NUGGC: variants seen among roughly 807,000 people sequenced by gnomAD.
NUGGC encodes nuclear GTPase, germinal center associated.
In NUGGC, 58 loss-of-function variants were observed where a neutral mutation model predicts 92.6. That is an observed-to-expected ratio of 0.63 (90% CI 0.51 to 0.78). The LOEUF is 0.78. Ranked by LOEUF, NUGGC falls within the 30% of genes least tolerant of loss-of-function variation. The probability of loss-of-function intolerance (pLI) is 0.00; values close to 1 mark genes in which losing one functional copy is unlikely to be tolerated. For missense variants in NUGGC, 925 were observed against 964.6 expected (o/e 0.96, Z 0.54); for synonymous variants, 376 against 366.4 (o/e 1.03, Z -0.30).
Position 28,067,758 on chromosome 8 carries a change from G to T in NUGGC, c.481-14C>A. The T allele has an allele frequency of 6.3e-7, 1 of 1,591,862 alleles. No individual in the cohort carries two copies. The highest frequency in any genetic ancestry group is 8.6e-7 in the Non-Finnish European group (1 of 1,163,916). ...CTCCCTCCACTCCTGCCAAGGCAGA[G>T]TAGGGCCAAGCCCCTCTTGACACAG... On this transcript the variant is annotated splice_polypyrimidine_tract_variant and intron_variant, in intron 5 of 18. Coordinates refer to ENST00000413272, the MANE Select transcript of NUGGC (RefSeq NM_001010906.2).
Position 28,041,041 on chromosome 8 carries a change from G to C in NUGGC, c.1611+10C>G, listed in dbSNP as rs1039396796. 24 of 1,593,178 alleles carry C rather than the reference G, an allele frequency of 1.5e-5. No homozygotes were observed. Among genetic ancestry groups the C allele is most frequent in the African/African-American group, 1.1e-4 (8 of 74,458 alleles). On this transcript the variant is annotated intron_variant, in intron 13 of 18. Transcript: ENST00000413272. ...GGAATATCTGAGTTTTCCCTGGAAG[G>C]GTCACTCACCACCAAGCATGCTCTG...
At chr8:28,023,591 G>C (rs1414566464) in intron 18 of NUGGC, 129 bp from the exon 19 acceptor site, 1 of 906,820 alleles carries the variant, frequency 1.1e-6, no homozygotes, top group African/African-American at 1.7e-5. Flanking sequence ...TTACAGATCA[G>C]ACATCAAAGC....
At chr8:28,064,365 C>T (rs1212086319) in intron 7 of NUGGC, among the ~76,000 whole-genome samples, 157 bp downstream of exon 7, 2 of 152,224 alleles carry the variant, frequency 1.3e-5, no homozygotes, top group Admixed American at 6.5e-5. Context: ...GCTACCCACA[C>T]CCTGCCAGGG....
chr8:28,029,453 A>G, intron 16 of NUGGC, 51 bp from the exon 17 acceptor site: 1 of 1,599,924 alleles, frequency 6.3e-7, no homozygotes, highest in Non-Finnish European at 8.5e-7. Flanking sequence ...CTGCTTAGAA[A>G]TCTTTGGCAC....
At position 28,031,289 on chromosome 8, in the gene NUGGC, C is replaced by T. The variant is rs753067539; in HGVS notation, c.1862G>A (p.Ser621Asn). Residue 621 changes from serine to asparagine, a missense_variant, in exon 15 of 19, where the codon AGT (serine) becomes AAT (asparagine). Physicochemically the swap from Ser to Asn is conservative, Grantham distance 46. Coordinates refer to ENST00000413272, the MANE Select transcript of NUGGC (RefSeq NM_001010906.2). ...TTTGCAGCTATCATATTTCCAGCCA[C>T]TTCTTATCCCAATTTCTGTCATTTT... ...QEKMTEIGIR[S>N]GWKYDSCKKN... The T allele has an allele frequency of 1.2e-6, 2 of 1,614,066 alleles. No individual in the cohort carries two copies. Among genetic ancestry groups the T allele is most frequent in the South Asian group, 2.2e-5 (2 of 91,086 alleles).
rs537037247 is a variant in NUGGC, at chr8:28,069,834, T to C, written c.149-182A>G. The C allele has an allele frequency of 9.7e-5, 57 of 587,770 alleles. 1 individual carries two copies. The highest frequency in any genetic ancestry group is 8.8e-4 in the African/African-American group (47 of 53,612). 36.4% of individuals were successfully genotyped at this position (587,770 alleles called of 1,614,324 possible). On this transcript the variant is annotated intron_variant, in intron 3 of 18. Coordinates refer to ENST00000413272, the MANE Select transcript of NUGGC (RefSeq NM_001010906.2). Reference sequence around the variant, plus strand: ...GGCGGCTCACTGGAGATAGCAATCATTGGTTCTGAAAATCTCCAAAGAGCC... The same window carrying C: ...GGCGGCTCACTGGAGATAGCAATCACTGGTTCTGAAAATCTCCAAAGAGCC...
At chr8:28,042,746 C>T (rs560928545) in intron 12 of NUGGC, among the ~76,000 whole-genome samples, 6 of 152,308 alleles carry the variant, frequency 3.9e-5, no homozygotes, top group Admixed American at 3.9e-4. Flanking sequence ...GAGCAAAACC[C>T]ATAGACATTT....
chr8:28,040,157 T>C (rs112716051), intron 13 of NUGGC, among the ~76,000 whole-genome samples: 2 of 152,316 alleles, frequency 1.3e-5, no homozygotes, highest in African/African-American at 2.4e-5. Flanking sequence ...CCACCCAGTC[T>C]ATAGGATTTT....
intron 2 of NUGGC, among the ~76,000 whole-genome samples, chr8:28,073,178 CTT>C (rs34656742): frequency 3.0e-5 from 4 of 132,828 alleles, no homozygotes; most frequent in Admixed American, 7.8e-5. Flanking sequence ...ATTTTTTTTT[CTT>C]TTTTTTTTTT....
At chr8:28,054,980 A>C (rs1810096466) in intron 10 of NUGGC, among the ~76,000 whole-genome samples, 1 of 151,356 alleles carries the variant, frequency 6.6e-6, no homozygotes, top group African/African-American at 2.5e-5. Flanking sequence ...TGAGGTCAGG[A>C]GTTCAAGACC....
intron 10 of NUGGC, among the ~76,000 whole-genome samples, chr8:28,053,257 G>C (rs565023673): frequency 6.0e-4 from 91 of 152,196 alleles, no homozygotes; most frequent in African/African-American, 2.1e-3. Context: ...CCAGGAATTA[G>C]AGACCAGCCT....
chr8:28,035,861 T>A lies in NUGGC; in HGVS notation c.1612-2164A>T, dbSNP rs141970125. 6.4e-3 allele frequency among the ~76,000 whole-genome samples: 975 copies of A among 152,312 alleles called. 5 individuals carry two copies. Among genetic ancestry groups the A allele is most frequent in the Non-Finnish European group, 0.01 (714 of 68,012 alleles). On this transcript the variant is annotated intron_variant, in intron 13 of 18. Coordinates refer to ENST00000413272, the MANE Select transcript of NUGGC (RefSeq NM_001010906.2). ...GTTTGTTTTTTACTTCTCAGGAGCA[T>A]GTGATATTCGTCTTAACGAACTTTA... is the stretch of plus-strand genomic sequence containing the variant.
intron 3 of NUGGC, 35 bp downstream of exon 3, chr8:28,070,217 G>A (rs373935545): frequency 1.3e-5 from 20 of 1,516,572 alleles, no homozygotes; most frequent in South Asian, 2.4e-5. Flanking sequence ...GAACAGAACC[G>A]AACCATGTTA....
chr8:28,060,310 C>T (rs1263589672), intron 8 of NUGGC, 116 bp downstream of exon 8: 3 of 1,010,374 alleles, frequency 3.0e-6, no homozygotes, highest in African/African-American at 1.6e-5. Flanking sequence ...CCCCAACAAT[C>T]ACTTCCTGAA....
chr8:28,068,531 C>A (rs564156095), intron 4 of NUGGC, 93 bp from the exon 5 acceptor site: 2 of 836,896 alleles, frequency 2.4e-6, no homozygotes, highest in South Asian at 3.3e-5. Context: ...ATTCTAATCC[C>A]GGGCACGTCA....
intron 13 of NUGGC, among the ~76,000 whole-genome samples, chr8:28,037,164 C>T (rs1809575773): frequency 6.6e-6 from 1 of 152,210 alleles, no homozygotes; most frequent in African/African-American, 2.4e-5. Context: ...ACCCTGACAC[C>T]TCCTAACCAG....
rs1331081260 is a variant in NUGGC at position 28,060,426 on chromosome 8, C to G, written c.1097G>C (p.Arg366Thr). 6.2e-7 allele frequency: 1 copy of G among 1,613,524 alleles called. No individual in the cohort carries two copies. Among genetic ancestry groups the G allele is most frequent in the Admixed American group, 1.7e-5 (1 of 59,982 alleles). Residue 366 changes from arginine to threonine, a missense_variant and splice_region_variant, in exon 8 of 19, where the codon AGG becomes ACG. Transcript: ENST00000413272. ...CATCCTTGCAAGCCCAGCACAATAC[C>G]TTAGGTATTCTGGCAAGTGGAGTTT... ...MDKLHLPEYL[R>T]ERKAGNQAIQ...
chr8:28,050,410 AG>A (rs1563221732), intron 10 of NUGGC, among the ~76,000 whole-genome samples: 4 of 152,092 alleles, frequency 2.6e-5, no homozygotes, highest in African/African-American at 9.7e-5. Context: ...GGAAAGGAAA[AG>A]AAAGGAAAGG....
At chr8:28,042,104 A>G (rs1809715476) in intron 12 of NUGGC, among the ~76,000 whole-genome samples, 1 of 152,196 alleles carries the variant, frequency 6.6e-6, no homozygotes. Context: ...ACCATGTAAG[A>G]CATGCCTTTT....
Sources: gnomAD v4.1 joint callset for allele counts (sites outside exome capture counted in the v4.1 genomes callset) on GRCh38, gnomAD v4.1.1 for gene constraint, MANE v1.5 for transcripts, NCBI Gene and HGNC (gene_info 2026-07-23, HGNC 2026-07-21) for gene names.